The following GHR variants were observed in gnomAD, a reference collection of about 807,000 sequenced individuals.
GHR encodes the protein growth hormone receptor.
Under a neutral mutation model 67.1 loss-of-function variants are expected in GHR, and 35 were observed. The observed-to-expected ratio is 0.52, with a 90% CI of 0.40 to 0.69. GHR has a LOEUF of 0.69. Ranked by LOEUF, GHR falls within the 30% of genes least tolerant of loss-of-function variation. GHR has a pLI of 0.00. For synonymous variants in GHR, 272 were observed against 269.1 expected (o/e 1.01, Z -0.10); for missense variants, 792 against 764.6 (o/e 1.04, Z -0.42).
intron 1 of GHR, among the ~76,000 whole-genome samples, chr5:42,435,106 A>G (rs1225519065): frequency 1.3e-5 from 2 of 152,196 alleles, no homozygotes; most frequent in Non-Finnish European, 2.9e-5. Flanking sequence ...TTTGAGCATA[A>G]AGACTTGAAA....
intron 3 of GHR, among the ~76,000 whole-genome samples, chr5:42,680,589 C>T (rs934902999): frequency 2.0e-4 from 30 of 152,012 alleles, no homozygotes; most frequent in African/African-American, 5.1e-4. Flanking sequence ...CTGCAACTTC[C>T]GACTCCCAGG....
intron 3 of GHR, among the ~76,000 whole-genome samples, chr5:42,630,883 C>A (rs1380055173): frequency 1.5e-5 from 2 of 132,384 alleles, no homozygotes; most frequent in African/African-American, 3.2e-5. Flanking sequence ...AAGTAATTTT[C>A]TTTACTTATA....
chr5:42,454,653 A>G (rs570981488), intron 1 of GHR, among the ~76,000 whole-genome samples: 1 of 152,280 alleles, frequency 6.6e-6, no homozygotes, highest in East Asian at 1.9e-4. Context: ...AATAGCCAGT[A>G]GTGAAAGGCT....
intron 4 of GHR, among the ~76,000 whole-genome samples, chr5:42,694,249 C>T (rs1209718092): frequency 1.3e-5 from 2 of 152,166 alleles, no homozygotes; most frequent in Non-Finnish European, 2.9e-5. Flanking sequence ...ATTCCTTAGA[C>T]ATCTATGAAT....
At chr5:42,668,386 T>C (rs1050600816) in intron 3 of GHR, among the ~76,000 whole-genome samples, 7 of 152,162 alleles carry the variant, frequency 4.6e-5, no homozygotes, top group African/African-American at 9.7e-5. Context: ...TGTCATCCTG[T>C]GCATTGTAAT....
rs533868303 is a variant in GHR, at chr5:42,659,791, G to A, written c.137-29099G>A. 2.5e-4 allele frequency among the ~76,000 whole-genome samples: 38 copies of A among 152,268 alleles called. No homozygotes were observed. In the South Asian group the frequency reaches 6.2e-3, roughly 25 times the overall value. On this transcript the variant is annotated intron_variant, in intron 3 of 9. Coordinates refer to ENST00000230882, the MANE Select transcript of GHR (RefSeq NM_000163.5). ...GGGTGCAGCACACTTTGCAGGAGCC[G>A]AAGCAGGGTGAGGCATTGCCTCACT...
chr5:42,662,731 G>C (rs145422237), intron 3 of GHR, among the ~76,000 whole-genome samples: 2,461 of 151,994 alleles, frequency 0.016, 63 homozygotes, highest in African/African-American at 0.057. Flanking sequence ...CAAAAGCTAG[G>C]AGAAGGCAAG....
chr5:42,453,932 C>T (rs1744153547), intron 1 of GHR, among the ~76,000 whole-genome samples: 1 of 152,186 alleles, frequency 6.6e-6, no homozygotes, highest in Non-Finnish European at 1.5e-5. Context: ...GAGAAACTAC[C>T]CACTAGCAGA....
intron 2 of GHR, among the ~76,000 whole-genome samples, chr5:42,594,467 C>T (rs1221270890): frequency 1.3e-5 from 2 of 152,064 alleles, no homozygotes; most frequent in African/African-American, 2.4e-5. Context: ...TCATGCTTTC[C>T]TTGCATCTTT....
At chr5:42,602,739 T>C (rs948137339) in intron 2 of GHR, among the ~76,000 whole-genome samples, 1 of 152,202 alleles carries the variant, frequency 6.6e-6, no homozygotes, top group African/African-American at 2.4e-5. Context: ...TTTATGCTGA[T>C]AGCAACTTAG....
rs35111599 is a variant in GHR at position 42,713,529 on chromosome 5, G to C, written c.875+10G>C. Reference sequence around the variant, plus strand: ...TTTCTAAACAGCAAAGGTAGGTGTGGAGTAGTATTCTTTGGTATTTTGTAC... The same window carrying C: ...TTTCTAAACAGCAAAGGTAGGTGTGCAGTAGTATTCTTTGGTATTTTGTAC... On this transcript the variant is annotated intron_variant, in intron 8 of 9. Coordinates refer to ENST00000230882, the MANE Select transcript of GHR (RefSeq NM_000163.5). The C allele has an allele frequency of 3.3e-4, 373 of 1,116,284 alleles. 1 individual carries two copies. In the East Asian group the frequency reaches 6.7e-3, roughly 20 times the overall value. The allele number at this position is 1,116,284 out of a possible 1,614,324, so 69.1% of individuals were successfully genotyped here.
At chr5:42,432,895 G>A (rs1028194693) in intron 1 of GHR, among the ~76,000 whole-genome samples, 1 of 152,294 alleles carries the variant, frequency 6.6e-6, no homozygotes, top group African/African-American at 2.4e-5. Context: ...TAAATATTTT[G>A]CAGGTGGCCT....
chr5:42,432,776 A>G (rs368192600), intron 1 of GHR, among the ~76,000 whole-genome samples: 2 of 152,250 alleles, frequency 1.3e-5, no homozygotes, highest in Non-Finnish European at 2.9e-5. Context: ...AGAAGCAAGA[A>G]TAAAGAAGAA....
At chr5:42,688,130 A>G (rs1433304844) in intron 3 of GHR, among the ~76,000 whole-genome samples, 1 of 152,206 alleles carries the variant, frequency 6.6e-6, no homozygotes, top group Non-Finnish European at 1.5e-5. Flanking sequence ...ATGCAAACAT[A>G]AGTGCCTTTT....
chr5:42,549,771 G>A (rs940634492), intron 1 of GHR: 1 of 527,626 alleles, frequency 1.9e-6, no homozygotes, highest in Non-Finnish European at 2.4e-6. Flanking sequence ...TTGAAACAGA[G>A]GCTATAAATT....
chr5:42,666,468 A>G (rs1245762893), intron 3 of GHR, among the ~76,000 whole-genome samples: 1 of 152,184 alleles, frequency 6.6e-6, no homozygotes, highest in Non-Finnish European at 1.5e-5. Context: ...ATTTTCAGCA[A>G]TTAAAGTGAA....
At chr5:42,500,472 GT>G (rs1746494946) in intron 1 of GHR, among the ~76,000 whole-genome samples, 1 of 152,240 alleles carries the variant, frequency 6.6e-6, no homozygotes, top group South Asian at 2.1e-4. Flanking sequence ...TAACAGGGTT[GT>G]TACGAGGATA....
At chr5:42,529,968 TGAAA>T (rs1747886321) in intron 1 of GHR, among the ~76,000 whole-genome samples, 2 of 148,036 alleles carry the variant, frequency 1.4e-5, no homozygotes, top group Non-Finnish European at 3.0e-5. Flanking sequence ...GAATAGGAAA[TGAAA>T]GAGAGTAAAT....
At chr5:42,708,185 T>TA (rs1271496934) in intron 6 of GHR, among the ~76,000 whole-genome samples, 4 of 152,212 alleles carry the variant, frequency 2.6e-5, no homozygotes, top group African/African-American at 9.6e-5. Flanking sequence ...ATTTGAGTTT[T>TA]AGTCTATTGT....
Sources: gnomAD v4.1 joint callset for allele counts (sites outside exome capture counted in the v4.1 genomes callset) on GRCh38, gnomAD v4.1.1 for gene constraint, MANE v1.5 for transcripts, NCBI Gene and HGNC (gene_info 2026-07-23, HGNC 2026-07-21) for gene names.